Variants in KCNK2 observed in about 807,000 individuals in gnomAD.
KCNK2 encodes potassium two pore domain channel subfamily K member 2.
KCNK2 carries 21 observed loss-of-function variants against 40.5 expected under a neutral mutation model. The observed-to-expected ratio is 0.52, with a 90% CI of 0.37 to 0.75. The LOEUF (loss-of-function observed/expected upper bound fraction) is 0.75, where lower values mean the gene tolerates loss of function less well. Among genes scored for constraint, KCNK2 ranks in the 30% least tolerant of loss-of-function variants. The pLI, the probability that KCNK2 is intolerant of heterozygous loss-of-function variation, is 0.00. For synonymous variants in KCNK2, 191 were observed against 202.2 expected (o/e 0.94, Z 0.47); for missense variants, 399 against 531.6 (o/e 0.75, Z 2.45).
intron 1 of KCNK2, among the ~76,000 whole-genome samples, chr1:215,016,397 TA>T (rs1202214072): frequency 4.6e-5 from 7 of 152,038 alleles, no homozygotes; most frequent in Admixed American, 4.6e-4. Flanking sequence ...GGTACTGGCA[TA>T]AAAACAGACA....
At chr1:215,188,134 T>C (rs1664524612) in intron 5 of KCNK2, among the ~76,000 whole-genome samples, 1 of 152,206 alleles carries the variant, frequency 6.6e-6, no homozygotes, top group African/African-American at 2.4e-5. Context: ...CATGGAATTC[T>C]GATCAGTGAA....
chr1:215,058,551 C>G (rs1027592767), intron 1 of KCNK2, among the ~76,000 whole-genome samples: 2 of 152,146 alleles, frequency 1.3e-5, no homozygotes, highest in Non-Finnish European at 2.9e-5. Flanking sequence ...CTATAACGAC[C>G]TTTGTTTCCA....
intron 1 of KCNK2, among the ~76,000 whole-genome samples, chr1:215,058,923 T>G (rs2102505751): frequency 6.6e-6 from 1 of 152,270 alleles, no homozygotes; most frequent in Non-Finnish European, 1.5e-5. Context: ...TTAGATGACC[T>G]CTCCATGTGA....
intron 3 of KCNK2, among the ~76,000 whole-genome samples, chr1:215,132,950 C>T (rs945943296): frequency 6.6e-6 from 1 of 152,164 alleles, no homozygotes; most frequent in Non-Finnish European, 1.5e-5. Flanking sequence ...GCACCTAGTA[C>T]CCAGAATCCT....
chr1:215,113,455 A>G (rs375552657), intron 2 of KCNK2, among the ~76,000 whole-genome samples: 11 of 152,300 alleles, frequency 7.2e-5, no homozygotes, highest in East Asian at 5.8e-4. Context: ...TTTGTGAAAG[A>G]TAAGTATGTA....
At chr1:215,109,944 T>C (rs1224416210) in intron 2 of KCNK2, among the ~76,000 whole-genome samples, 1 of 152,136 alleles carries the variant, frequency 6.6e-6, no homozygotes, top group Non-Finnish European at 1.5e-5. Flanking sequence ...CTCATTGTGG[T>C]TTTAATTTTC....
At chr1:215,007,039 G>GTGTGTGTGTGTATATATA (rs1656166501) in intron 1 of KCNK2, among the ~76,000 whole-genome samples, 1 of 69,696 alleles carries the variant, frequency 1.4e-5, no homozygotes, top group African/African-American at 5.9e-5. Flanking sequence ...ATATATATAT[G>GTGTGTGTGTGTATATATA]TGTGTGTGTG....
At chr1:215,200,130 C>T (rs184400792) in intron 6 of KCNK2, among the ~76,000 whole-genome samples, 1 of 152,154 alleles carries the variant, frequency 6.6e-6, no homozygotes, top group Non-Finnish European at 1.5e-5. Flanking sequence ...CAAATAGAGG[C>T]TCTCACTTTA....
rs147261792 is a variant in KCNK2, at chr1:215,199,054, T to C, written c.963+3962T>C. 2.3e-3 allele frequency among the ~76,000 whole-genome samples: 343 copies of C among 152,302 alleles called. 10 individuals are homozygous for C. The East Asian group carries it at 0.037, about 16-fold the overall frequency. Reference sequence around the variant, plus strand: ...GTTTCCAGCCAGGCGCTGTGGCTCATGCCTGTACTTTGGGAGGCTGAGGCG... The same window carrying C: ...GTTTCCAGCCAGGCGCTGTGGCTCACGCCTGTACTTTGGGAGGCTGAGGCG... On this transcript the variant is annotated intron_variant, in intron 6 of 6. Coordinates refer to ENST00000444842, the MANE Select transcript of KCNK2 (RefSeq NM_001017425.3).
chr1:215,056,314 A>AAG (rs1348754375), intron 1 of KCNK2, among the ~76,000 whole-genome samples: 2 of 150,336 alleles, frequency 1.3e-5, no homozygotes, highest in Non-Finnish European at 3.0e-5. Context: ...ATCTCAAAAA[A>AAG]AAAAAAAAAG....
At chr1:215,011,458 A>G (rs1487175596) in intron 1 of KCNK2, among the ~76,000 whole-genome samples, 1 of 150,874 alleles carries the variant, frequency 6.6e-6, no homozygotes, top group Non-Finnish European at 1.5e-5. Context: ...CACATCGGCT[A>G]AATTTTTATA....
intron 5 of KCNK2, among the ~76,000 whole-genome samples, chr1:215,182,389 G>A (rs1490283187): frequency 6.6e-6 from 1 of 152,074 alleles, no homozygotes; most frequent in African/African-American, 2.4e-5. Context: ...TTAGGCTGCT[G>A]AGCCAGGCAA....
rs370624956 is a variant in KCNK2, at chr1:215,077,360, C to T, written c.35-9008C>T. Reference sequence around the variant, plus strand: ...ATATGCCTACCCTCTCTGTCACCACCCACTCCCCACATCCAAAGGGACGCA... The same window carrying T: ...ATATGCCTACCCTCTCTGTCACCACTCACTCCCCACATCCAAAGGGACGCA... On this transcript the variant is annotated intron_variant, in intron 1 of 6. Transcript: ENST00000391895. Among the ~76,000 whole-genome samples, 11 of 152,226 alleles carry T rather than the reference C, an allele frequency of 7.2e-5. No individual in the cohort carries two copies. In the South Asian group the frequency reaches 1.9e-3, roughly 26 times the overall value.
intron 5 of KCNK2, among the ~76,000 whole-genome samples, chr1:215,192,055 A>T (rs1272591746): frequency 6.6e-6 from 1 of 152,198 alleles, no homozygotes; most frequent in Non-Finnish European, 1.5e-5. Flanking sequence ...AAAAGTCAAG[A>T]AGTTTTTTAA....
intron 3 of KCNK2, among the ~76,000 whole-genome samples, chr1:215,149,734 A>G (rs1482088069): frequency 1.3e-5 from 2 of 152,218 alleles, no homozygotes; most frequent in African/African-American, 2.4e-5. Flanking sequence ...TTTGAAAGAT[A>G]ATCAGGAGTC....
intron 1 of KCNK2, among the ~76,000 whole-genome samples, chr1:215,036,653 C>T (rs1254661809): frequency 2.0e-5 from 3 of 151,842 alleles, no homozygotes; most frequent in African/African-American, 7.2e-5. Context: ...ATTGATTCAT[C>T]TAATCTTTGA....
intron 6 of KCNK2, among the ~76,000 whole-genome samples, chr1:215,230,511 A>ATATATGTATATATATATATATATATATG: frequency 4.2e-5 from 1 of 23,824 alleles, no homozygotes; most frequent in East Asian, 4.2e-3. Flanking sequence ...ACGGCTGTAT[A>ATATATGTATATATATATATATATATATG]TATATATATA....
rs996095386 is a variant in KCNK2, at chr1:215,132,449, T to C, written c.475+7699T>C. Among the ~76,000 whole-genome samples the C allele has an allele frequency of 2.6e-5, 4 of 152,244 alleles. 1 individual carries two copies. Among genetic ancestry groups the C allele is most frequent in the Non-Finnish European group, 5.9e-5 (4 of 68,044 alleles). On this transcript the variant is annotated intron_variant, in intron 3 of 6. Coordinates refer to ENST00000444842, the MANE Select transcript of KCNK2 (RefSeq NM_001017425.3). ...TTGTGTATTGGATTTTGGGAGTCCATTGAGGTTCTCTCAGGCAGCTTAAAA... is the reference window on the plus strand; with the variant it reads ...TTGTGTATTGGATTTTGGGAGTCCACTGAGGTTCTCTCAGGCAGCTTAAAA...
chr1:215,093,869 T>G (rs1239162295), intron 2 of KCNK2, among the ~76,000 whole-genome samples: 1 of 93,522 alleles, frequency 1.1e-5, no homozygotes, highest in Non-Finnish European at 2.0e-5. Flanking sequence ...TATAAAAATA[T>G]ATTATATATT....
Sources: gnomAD v4.1 joint callset for allele counts (sites outside exome capture counted in the v4.1 genomes callset) on GRCh38, gnomAD v4.1.1 for gene constraint, MANE v1.5 for transcripts, NCBI Gene and HGNC (gene_info 2026-07-23, HGNC 2026-07-21) for gene names.